Variants in BICRAL observed in about 807,000 individuals in gnomAD.
The protein encoded by BICRAL is BICRA like chromatin remodeling complex associated protein, also known as BRD4-interacting chromatin-remodeling complex-associated protein-like.
In BICRAL, 8 loss-of-function variants were observed where a neutral mutation model predicts 91.8. That is an observed-to-expected ratio of 0.09 (90% CI 0.05 to 0.16). The LOEUF (loss-of-function observed/expected upper bound fraction) is 0.16. Among genes scored for constraint, BICRAL ranks in the 10% least tolerant of loss-of-function variants. BICRAL has a pLI of 1.00. For missense variants in BICRAL, 1,038 were observed against 1,310.9 expected (o/e 0.79, Z 3.21); for synonymous variants, 445 against 491.1 (o/e 0.91, Z 1.24).
intron 1 of BICRAL, among the ~76,000 whole-genome samples, chr6:42,750,372 C>T (rs561473222): frequency 3.3e-5 from 5 of 151,556 alleles, no homozygotes; most frequent in Non-Finnish European, 7.4e-5. Flanking sequence ...CTGTGTTGTC[C>T]AGGCTGGTCT....
intron 1 of BICRAL, among the ~76,000 whole-genome samples, chr6:42,788,316 T>A (rs536487264): frequency 1.3e-5 from 2 of 149,794 alleles, no homozygotes; most frequent in East Asian, 4.0e-4. Context: ...CCTCCACCTC[T>A]TGGGTTCAAG....
intron 6 of BICRAL, among the ~76,000 whole-genome samples, chr6:42,841,201 T>G (rs1011489545): frequency 2.8e-5 from 4 of 143,894 alleles, no homozygotes; most frequent in Admixed American, 6.8e-5. Context: ...TTTTTTTTTT[T>G]TTTTTTGAGA....
intron 1 of BICRAL, among the ~76,000 whole-genome samples, chr6:42,800,456 G>T (rs1451365210): frequency 6.6e-6 from 1 of 152,086 alleles, no homozygotes; most frequent in Non-Finnish European, 1.5e-5. Flanking sequence ...CAGCCACCAC[G>T]CCCGGCCTTA....
chr6:42,844,700 G>C (rs1764938314), intron 6 of BICRAL, among the ~76,000 whole-genome samples: 1 of 152,036 alleles, frequency 6.6e-6, no homozygotes. Flanking sequence ...GCAACAGACT[G>C]AGGAGAGAGC....
chr6:42,782,886 T>TC (rs1762962326), intron 1 of BICRAL, among the ~76,000 whole-genome samples: 3 of 151,232 alleles, frequency 2.0e-5, no homozygotes, highest in African/African-American at 7.3e-5. Flanking sequence ...CCCCTCTGTT[T>TC]TCCCCCCCTC....
intron 1 of BICRAL, among the ~76,000 whole-genome samples, chr6:42,771,526 AG>A (rs1762735349): frequency 6.6e-6 from 1 of 151,918 alleles, no homozygotes; most frequent in Admixed American, 6.6e-5. Context: ...CTGAAGTGGT[AG>A]GGAAGGAGGG....
At chr6:42,764,170 A>T (rs1762599966) in intron 1 of BICRAL, among the ~76,000 whole-genome samples, 1 of 150,516 alleles carries the variant, frequency 6.6e-6, no homozygotes. Flanking sequence ...TGAACCTGGG[A>T]GGCAGAGGTT....
intron 6 of BICRAL, among the ~76,000 whole-genome samples, chr6:42,845,737 A>G (rs1228374990): frequency 6.6e-6 from 1 of 151,952 alleles, no homozygotes; most frequent in African/African-American, 2.4e-5. Context: ...ATACTTAACA[A>G]TACATCAGAA....
chr6:42,847,491 T>C (rs1049324599), intron 6 of BICRAL, among the ~76,000 whole-genome samples: 1 of 152,108 alleles, frequency 6.6e-6, no homozygotes, highest in African/African-American at 2.4e-5. Context: ...AAAGTATTGA[T>C]TTTTGGCCAG....
chr6:42,798,176 A>G (rs1763463729), intron 1 of BICRAL, among the ~76,000 whole-genome samples: 1 of 151,328 alleles, frequency 6.6e-6, no homozygotes, highest in South Asian at 2.1e-4. Flanking sequence ...AATAGACACT[A>G]GAGACTTTAA....
At chr6:42,844,898 G>T (rs976476379) in intron 6 of BICRAL, among the ~76,000 whole-genome samples, 1 of 152,094 alleles carries the variant, frequency 6.6e-6, no homozygotes, top group Admixed American at 6.6e-5. Context: ...GACAGAGGAG[G>T]GACACCTATT....
chr6:42,832,367 T>TATA (rs1282641418), intron 6 of BICRAL, among the ~76,000 whole-genome samples: 12 of 146,774 alleles, frequency 8.2e-5, no homozygotes, highest in African/African-American at 3.0e-4. Flanking sequence ...AGTATATATA[T>TATA]TATATATATA....
chr6:42,841,690 G>A (rs1764803924), intron 6 of BICRAL, among the ~76,000 whole-genome samples: 1 of 152,072 alleles, frequency 6.6e-6, no homozygotes, highest in Non-Finnish European at 1.5e-5. Flanking sequence ...ATTTGAAAAT[G>A]TCTCCTATCC....
intron 6 of BICRAL, among the ~76,000 whole-genome samples, chr6:42,841,521 C>T (rs943098731): frequency 3.9e-5 from 6 of 152,084 alleles, no homozygotes; most frequent in Admixed American, 6.6e-5. Flanking sequence ...TTTCTAGTCC[C>T]GCTCTGCCCC....
intron 1 of BICRAL, among the ~76,000 whole-genome samples, chr6:42,753,972 G>C (rs1347520040): frequency 1.4e-5 from 2 of 146,370 alleles, no homozygotes; most frequent in Non-Finnish European, 3.0e-5. Context: ...ACACTTCATG[G>C]GAAGGCATGA....
intron 1 of BICRAL, among the ~76,000 whole-genome samples, chr6:42,747,606 C>T (rs879335731): frequency 6.6e-6 from 1 of 152,094 alleles, no homozygotes; most frequent in Non-Finnish European, 1.5e-5. Flanking sequence ...CAGTTCATAC[C>T]GTGTGGCAGA....
chr6:42,764,136 G>A (rs1339792103), intron 1 of BICRAL, among the ~76,000 whole-genome samples: 8 of 146,114 alleles, frequency 5.5e-5, no homozygotes, highest in African/African-American at 2.5e-5. Flanking sequence ...CAGCTACTCG[G>A]GAGGCTGAGG....
chr6:42,763,847 A>G (rs989377265), intron 1 of BICRAL, among the ~76,000 whole-genome samples: 3 of 151,708 alleles, frequency 2.0e-5, no homozygotes, highest in African/African-American at 4.8e-5. Flanking sequence ...CAAACAAAAA[A>G]AACGAGCGTT....
At chr6:42,757,692 ACT>A (rs1382922435) in intron 1 of BICRAL, among the ~76,000 whole-genome samples, 7 of 152,144 alleles carry the variant, frequency 4.6e-5, no homozygotes, top group African/African-American at 1.7e-4. Flanking sequence ...CAGCCTGTTA[ACT>A]CTTATGTGGC....
Sources: gnomAD v4.1 joint callset for allele counts (sites outside exome capture counted in the v4.1 genomes callset) on GRCh38, gnomAD v4.1.1 for gene constraint, MANE v1.5 for transcripts, NCBI Gene and HGNC (gene_info 2026-07-23, HGNC 2026-07-21) for gene names.